ADAMTS12: variants seen among roughly 807,000 people sequenced by gnomAD.
ADAMTS12 encodes the protein ADAM metallopeptidase with thrombospondin type 1 motif 12.
A neutral mutation model predicts 167.8 loss-of-function variants in ADAMTS12; 118 were observed. That is an observed-to-expected ratio of 0.70 (90% CI 0.61 to 0.82). The LOEUF (loss-of-function observed/expected upper bound fraction) is 0.82. ADAMTS12 is among the 40% of genes least tolerant of loss of function. The pLI is 0.00. For synonymous variants in ADAMTS12, 704 were observed against 716.9 expected (o/e 0.98, Z 0.29); for missense variants, 1,916 against 1,998.8 (o/e 0.96, Z 0.79).
chr5:33,686,767 A>C (rs13169825), intron 3 of ADAMTS12, among the ~76,000 whole-genome samples: 129,414 of 149,358 alleles, frequency 0.87, 57,373 homozygotes, highest in South Asian at 0.97. Flanking sequence ...CTCTCTCTCT[A>C]TATATATATA....
At chr5:33,765,955 T>A (rs1234175356) in intron 2 of ADAMTS12, among the ~76,000 whole-genome samples, 2 of 152,232 alleles carry the variant, frequency 1.3e-5, no homozygotes, top group Non-Finnish European at 2.9e-5. Context: ...ACCACTTTTT[T>A]TTAGCCGTAG....
chr5:33,712,483 C>T (rs1396835338), intron 3 of ADAMTS12, among the ~76,000 whole-genome samples: 3 of 152,094 alleles, frequency 2.0e-5, no homozygotes, highest in East Asian at 3.9e-4. Flanking sequence ...CTCATCTTTG[C>T]AGCAGATTTA....
intron 14 of ADAMTS12, among the ~76,000 whole-genome samples, chr5:33,618,024 G>A (rs1156769983): frequency 6.6e-6 from 1 of 152,204 alleles, no homozygotes; most frequent in Non-Finnish European, 1.5e-5. Flanking sequence ...AAAAATATTT[G>A]TGTATAATTT....
At chr5:33,608,264 G>C (rs1738543799) in intron 16 of ADAMTS12, among the ~76,000 whole-genome samples, 1 of 152,186 alleles carries the variant, frequency 6.6e-6, no homozygotes, top group South Asian at 2.1e-4. Context: ...TTACAATCTG[G>C]CAAAGGAGAT....
chr5:33,561,250 C>A, intron 19 of ADAMTS12, 71 bp from the exon 20 acceptor site: 1 of 1,565,694 alleles, frequency 6.4e-7, no homozygotes, highest in Non-Finnish European at 8.7e-7. Flanking sequence ...TCACTGGGAT[C>A]CTGGAGTCAG....
intron 12 of ADAMTS12, among the ~76,000 whole-genome samples, chr5:33,632,271 G>A (rs1046389153): frequency 6.6e-6 from 1 of 151,980 alleles, no homozygotes; most frequent in African/African-American, 2.4e-5. Context: ...GAGTTTGAGG[G>A]TTGAAAAATT....
chr5:33,795,250 A>T (rs1398746564), intron 2 of ADAMTS12, among the ~76,000 whole-genome samples: 1 of 152,186 alleles, frequency 6.6e-6, no homozygotes, highest in Non-Finnish European at 1.5e-5. Context: ...CCCTACCTGT[A>T]AAGAGACGGG....
chr5:33,619,715 A>G (rs915544720), intron 14 of ADAMTS12, among the ~76,000 whole-genome samples: 6 of 152,008 alleles, frequency 3.9e-5, no homozygotes, highest in African/African-American at 1.4e-4. Flanking sequence ...ATTTTTTTTG[A>G]GATGGAGTCT....
At chr5:33,707,999 A>G (rs1263752370) in intron 3 of ADAMTS12, among the ~76,000 whole-genome samples, 1 of 152,130 alleles carries the variant, frequency 6.6e-6, no homozygotes, top group East Asian at 1.9e-4. Flanking sequence ...TATCATCAGA[A>G]TGAGCAGGCA....
At chr5:33,620,479 AC>A (rs1485248166) in intron 14 of ADAMTS12, among the ~76,000 whole-genome samples, 1 of 152,244 alleles carries the variant, frequency 6.6e-6, no homozygotes, top group Non-Finnish European at 1.5e-5. Flanking sequence ...GATATTTGCA[AC>A]ACTTGAGCTC....
chr5:33,588,656 A>G lies in ADAMTS12; in HGVS notation c.2808T>C (p.Leu936=), dbSNP rs1561149433. Residue 936 remains leucine (L), a synonymous_variant, in exon 18 of 24, where the codon CTT becomes CTC. Transcript: ENST00000504830. ...CQHLLKPKTL[L]SCNRDILCPS... is the part of the protein sequence containing the mutation. ...GGCACAGGATGTCTCTGTTGCAGGA[A>G]AGGAGGGTCTTGGGCTTCAGCAGGT... The G allele has an allele frequency of 3.7e-6, 6 of 1,613,966 alleles. No homozygotes were observed. Among genetic ancestry groups the G allele is most frequent in the Non-Finnish European group, 5.1e-6 (6 of 1,180,020 alleles).
chr5:33,861,711 T>A (rs12517808), intron 2 of ADAMTS12, among the ~76,000 whole-genome samples: 1 of 152,158 alleles, frequency 6.6e-6, no homozygotes. Flanking sequence ...CCACCCCAAA[T>A]CAACAGAATA....
Position 33,549,191 on chromosome 5 carries a change from T to C in ADAMTS12, c.4302+16A>G. On this transcript the variant is annotated intron_variant, in intron 21 of 23. Transcript: ENST00000504830. ...CAGGTTGTGTGAGGACATCTCTCCC[T>C]TTGTGGGGGACCTACCTGGCTCCAA... 1 of 1,609,708 alleles carries C rather than the reference T, an allele frequency of 6.2e-7. No individual in the cohort carries two copies. Among genetic ancestry groups the C allele is most frequent in the Non-Finnish European group, 8.5e-7 (1 of 1,176,616 alleles).
At position 33,576,183 on chromosome 5, in the gene ADAMTS12, A is replaced by C. The variant is rs1746700945; in HGVS notation, c.3843T>G (p.Ser1281=). 3.1e-6 allele frequency: 5 copies of C among 1,614,110 alleles called. No individual in the cohort carries two copies. The highest frequency in any genetic ancestry group is 4.2e-6 in the Non-Finnish European group (5 of 1,180,044). Residue 1281 remains serine (S), a synonymous_variant, in exon 19 of 24, where the codon TCT becomes TCG. Coordinates refer to ENST00000504830, the MANE Select transcript of ADAMTS12 (RefSeq NM_030955.4). The part of the protein sequence containing the change: ...LPNNMNQTKS[S]EPVLTEEDAT... ...CATCCTCCTCAGTCAGGACTGGTTC[A>C]GAACTTTTTGTTTGGTTCATGTTGT...
At chr5:33,678,190 G>C (rs1741987087) in intron 5 of ADAMTS12, among the ~76,000 whole-genome samples, 2 of 152,170 alleles carry the variant, frequency 1.3e-5, no homozygotes, top group African/African-American at 2.4e-5. Flanking sequence ...GAATAATCTA[G>C]AGTATCCCAC....
At chr5:33,744,783 G>C (rs1744720800) in intron 3 of ADAMTS12, among the ~76,000 whole-genome samples, 1 of 152,190 alleles carries the variant, frequency 6.6e-6, no homozygotes, top group Non-Finnish European at 1.5e-5. Flanking sequence ...TTTGAAGCTA[G>C]AAATGTTGTC....
intron 2 of ADAMTS12, among the ~76,000 whole-genome samples, chr5:33,803,959 G>A (rs191907467): frequency 3.9e-4 from 60 of 152,278 alleles, no homozygotes; most frequent in African/African-American, 1.4e-3. Flanking sequence ...CAACAATGTA[G>A]GGGAAGAAGA....
intron 5 of ADAMTS12, among the ~76,000 whole-genome samples, chr5:33,676,420 A>G (rs1413266840): frequency 6.6e-6 from 1 of 152,078 alleles, no homozygotes; most frequent in African/African-American, 2.4e-5. Context: ...TTAATCTGAA[A>G]CTTCTCATGT....
chr5:33,760,424 G>A (rs1745307482), intron 2 of ADAMTS12, among the ~76,000 whole-genome samples: 1 of 151,896 alleles, frequency 6.6e-6, no homozygotes, highest in African/African-American at 2.4e-5. Flanking sequence ...TACTCTAGCT[G>A]AATAAATGTT....
Sources: gnomAD v4.1 joint callset for allele counts (sites outside exome capture counted in the v4.1 genomes callset) on GRCh38, gnomAD v4.1.1 for gene constraint, MANE v1.5 for transcripts, NCBI Gene and HGNC (gene_info 2026-07-23, HGNC 2026-07-21) for gene names.